QTMAN: variants seen among roughly 807,000 people sequenced by gnomAD.
QTMAN encodes the protein tRNA-queuosine alpha-mannosyltransferase.
the QTMAN span, among the ~76,000 whole-genome samples, chr2:144,089,130 T>A: frequency 6.6e-6 from 1 of 151,602 alleles, no homozygotes; most frequent in African/African-American, 2.4e-5. Flanking sequence ...AAAGTAATAA[T>A]CCTATTAAAA....
At chr2:144,080,952 T>G in the QTMAN span, among the ~76,000 whole-genome samples, 125 of 152,312 alleles carry the variant, frequency 8.2e-4, no homozygotes, top group African/African-American at 3.0e-3. Flanking sequence ...TTACTCTAAT[T>G]TTACAACCTC....
the QTMAN span, among the ~76,000 whole-genome samples, chr2:144,137,209 T>C: frequency 6.6e-6 from 1 of 152,114 alleles, no homozygotes; most frequent in Non-Finnish European, 1.5e-5. Context: ...ATTATGCATT[T>C]TCCTACATTC....
the QTMAN span, among the ~76,000 whole-genome samples, chr2:144,125,017 T>C: frequency 1.3e-5 from 2 of 152,122 alleles, no homozygotes; most frequent in African/African-American, 4.8e-5. Flanking sequence ...CCCAGGAAAC[T>C]AGCAGCCAAG....
the QTMAN span, among the ~76,000 whole-genome samples, chr2:144,174,633 G>A: frequency 2.0e-5 from 3 of 152,248 alleles, no homozygotes; most frequent in East Asian, 5.8e-4. Flanking sequence ...CCCAGTGGGA[G>A]GTAACCAAAT....
chr2:144,259,504 C>T, the QTMAN span, among the ~76,000 whole-genome samples: 1 of 152,094 alleles, frequency 6.6e-6, no homozygotes, highest in African/African-American at 2.4e-5. Context: ...ACTTCCATGG[C>T]AAAAACCGCA....
chr2:144,109,617 G>A, the QTMAN span, among the ~76,000 whole-genome samples: 8 of 151,562 alleles, frequency 5.3e-5, no homozygotes, highest in Non-Finnish European at 1.0e-4. Flanking sequence ...GCAACCTACA[G>A]AATGGGAGAA....
the QTMAN span, chr2:144,141,839 T>C: frequency 7.0e-7 from 1 of 1,419,762 alleles, no homozygotes; most frequent in South Asian, 1.3e-5. Flanking sequence ...ATTTGAGGAA[T>C]AATTTATGAC....
chr2:144,174,009 T>C, the QTMAN span, among the ~76,000 whole-genome samples: 3 of 152,202 alleles, frequency 2.0e-5, no homozygotes, highest in African/African-American at 7.2e-5. Flanking sequence ...GGAATACTTC[T>C]TATACTGCCT....
the QTMAN span, among the ~76,000 whole-genome samples, chr2:144,306,033 A>C: frequency 6.6e-6 from 1 of 152,138 alleles, no homozygotes; most frequent in Non-Finnish European, 1.5e-5. Flanking sequence ...GGATGCCTTT[A>C]TTTCTTTTTC....
chr2:144,008,698 A>T, the QTMAN span, among the ~76,000 whole-genome samples: 30 of 152,178 alleles, frequency 2.0e-4, no homozygotes, highest in East Asian at 5.4e-3. Flanking sequence ...GAACATCTGG[A>T]AGAGTAGGAA....
the QTMAN span, among the ~76,000 whole-genome samples, chr2:144,227,374 C>T: frequency 2.0e-5 from 3 of 152,214 alleles, no homozygotes; most frequent in East Asian, 5.8e-4. Flanking sequence ...TGAGGACTTA[C>T]CTTTTTTTCA....
the QTMAN span, among the ~76,000 whole-genome samples, chr2:144,196,447 G>T: frequency 6.6e-6 from 1 of 151,978 alleles, no homozygotes; most frequent in Admixed American, 6.6e-5. Context: ...GATATACAGA[G>T]AAACTATGAG....
At chr2:144,034,420 G>A in the QTMAN span, among the ~76,000 whole-genome samples, 407 of 152,170 alleles carry the variant, frequency 2.7e-3, 11 homozygotes, top group Admixed American at 0.024. Flanking sequence ...ATTCGCTTTC[G>A]TACTGCAACA....
the QTMAN span, among the ~76,000 whole-genome samples, chr2:144,234,520 T>G: frequency 6.6e-6 from 1 of 152,284 alleles, no homozygotes; most frequent in African/African-American, 2.4e-5. Context: ...CAGCATCATC[T>G]AGAAGCAGTA....
At chr2:144,234,584 G>T in the QTMAN span, among the ~76,000 whole-genome samples, 1 of 152,168 alleles carries the variant, frequency 6.6e-6, no homozygotes, top group Non-Finnish European at 1.5e-5. Context: ...ATACAGTGTT[G>T]ATAAATAGAA....
At chr2:144,001,104 G>C in the QTMAN span, among the ~76,000 whole-genome samples, 1 of 151,940 alleles carries the variant, frequency 6.6e-6, no homozygotes. Context: ...GACCTGAAAA[G>C]CATATCATTC....
the QTMAN span, among the ~76,000 whole-genome samples, chr2:144,274,153 T>C: frequency 6.6e-6 from 1 of 152,212 alleles, no homozygotes; most frequent in Admixed American, 6.5e-5. Context: ...GAAATATATA[T>C]TTGTTCTCTA....
At chr2:144,275,383 C>CAA in the QTMAN span, among the ~76,000 whole-genome samples, 4 of 87,128 alleles carry the variant, frequency 4.6e-5, no homozygotes, top group African/African-American at 8.6e-5. Context: ...GACTAGGTCT[C>CAA]AAAAAAAAAA....
At chr2:144,080,340 GCA>G in the QTMAN span, among the ~76,000 whole-genome samples, 154 of 152,158 alleles carry the variant, frequency 1.0e-3, 1 homozygote, top group African/African-American at 3.4e-3. Context: ...ATGCGTTTAA[GCA>G]CAGTTTAAAA....
Sources: allele counts gnomAD v4.1 joint callset (sites outside exome capture counted in the v4.1 genomes callset), GRCh38; gene constraint gnomAD v4.1.1; transcripts MANE v1.5; gene names NCBI Gene and HGNC (gene_info 2026-07-23, HGNC 2026-07-21).